Variants in SLC30A8 observed in about 807,000 individuals in gnomAD.
SLC30A8 encodes proton-coupled zinc antiporter SLC30A8.
SLC30A8 carries 27 observed loss-of-function variants against 36.9 expected under a neutral mutation model. The observed-to-expected ratio is 0.73, with a 90% CI of 0.54 to 1.01. The LOEUF is 1.01. SLC30A8 is among the 50% of genes least tolerant of loss of function. The pLI, the probability that SLC30A8 is intolerant of heterozygous loss-of-function variation, is 0.00. For synonymous variants in SLC30A8, 164 were observed against 172.4 expected (o/e 0.95, Z 0.38); for missense variants, 439 against 452.0 (o/e 0.97, Z 0.26).
At chr8:116,962,044 C>G (rs1474783822) in intron 1 of SLC30A8, among the ~76,000 whole-genome samples, 2 of 151,924 alleles carry the variant, frequency 1.3e-5, no homozygotes, top group African/African-American at 2.4e-5. Context: ...TGGATACTTG[C>G]AAACAATAAG....
intron 1 of SLC30A8, among the ~76,000 whole-genome samples, chr8:116,951,272 CATT>C (rs1482667702): frequency 2.0e-5 from 3 of 152,128 alleles, no homozygotes; most frequent in African/African-American, 7.2e-5. Context: ...GTTACCAACT[CATT>C]AGTGTGAATT....
intron 1 of SLC30A8, among the ~76,000 whole-genome samples, chr8:116,976,494 A>T (rs969494644): frequency 6.6e-5 from 10 of 152,180 alleles, no homozygotes; most frequent in African/African-American, 2.4e-4. Flanking sequence ...AAGCCTGTGA[A>T]TGTTCTGATC....
At chr8:117,046,032 A>C (rs1817540209) in intron 2 of SLC30A8, among the ~76,000 whole-genome samples, 1 of 151,796 alleles carries the variant, frequency 6.6e-6, no homozygotes, top group South Asian at 2.1e-4. Context: ...CTTGTGACAG[A>C]TGATGGTATA....
intron 2 of SLC30A8, among the ~76,000 whole-genome samples, chr8:117,099,394 T>C (rs1013213943): frequency 1.3e-5 from 2 of 152,188 alleles, no homozygotes; most frequent in African/African-American, 4.8e-5. Flanking sequence ...TTGACAAATA[T>C]CACACCATGT....
intron 1 of SLC30A8, among the ~76,000 whole-genome samples, chr8:117,020,767 TAAG>T (rs1198787630): frequency 2.0e-5 from 3 of 152,190 alleles, no homozygotes; most frequent in South Asian, 2.1e-4. Context: ...AAGACACTGA[TAAG>T]AAGATGTAAA....
chr8:117,129,740 T>C (rs1280915303), intron 2 of SLC30A8, among the ~76,000 whole-genome samples: 1 of 152,068 alleles, frequency 6.6e-6, no homozygotes, highest in East Asian at 1.9e-4. Flanking sequence ...ATTATATTTC[T>C]GGTGGAGACT....
chr8:117,016,063 G>T (rs1015063831), intron 1 of SLC30A8, among the ~76,000 whole-genome samples: 2 of 152,104 alleles, frequency 1.3e-5, no homozygotes, highest in Non-Finnish European at 2.9e-5. Flanking sequence ...GGATAATACC[G>T]GGCATAAGGT....
chr8:117,034,589 A>G (rs572115512), intron 1 of SLC30A8, among the ~76,000 whole-genome samples: 4 of 152,348 alleles, frequency 2.6e-5, no homozygotes, highest in African/African-American at 9.6e-5. Context: ...AAGGTGCTAG[A>G]GCTGGGGTTT....
intron 1 of SLC30A8, among the ~76,000 whole-genome samples, chr8:116,973,783 A>AAACT (rs769548246): frequency 6.9e-4 from 105 of 152,358 alleles, no homozygotes; most frequent in Non-Finnish European, 1.3e-3. Context: ...ACCTGACTTC[A>AAACT]AACTATATTA....
chr8:117,101,412 A>G (rs944123554), intron 2 of SLC30A8, among the ~76,000 whole-genome samples: 4 of 152,190 alleles, frequency 2.6e-5, no homozygotes, highest in Admixed American at 1.3e-4. Context: ...CAGGAGACCT[A>G]TTTAACTCAG....
intron 2 of SLC30A8, among the ~76,000 whole-genome samples, chr8:117,108,886 T>C (rs1820108695): frequency 6.6e-6 from 1 of 152,230 alleles, no homozygotes; most frequent in African/African-American, 2.4e-5. Flanking sequence ...GTTGGCTATT[T>C]GAGGATTTAA....
intron 1 of SLC30A8, among the ~76,000 whole-genome samples, chr8:116,956,435 C>T (rs1015707087): frequency 3.3e-5 from 5 of 152,032 alleles, no homozygotes; most frequent in East Asian, 1.9e-4. Context: ...TCGATTTCAT[C>T]GAAAATGAAA....
chr8:117,068,505 C>T (rs1818234036), intron 2 of SLC30A8, among the ~76,000 whole-genome samples: 1 of 152,108 alleles, frequency 6.6e-6, no homozygotes, highest in South Asian at 2.1e-4. Context: ...ATTATCATCA[C>T]CATCCTCTCA....
chr8:117,097,072 G>T (rs1819397991), intron 2 of SLC30A8, among the ~76,000 whole-genome samples: 1 of 151,934 alleles, frequency 6.6e-6, no homozygotes, highest in African/African-American at 2.4e-5. Flanking sequence ...GAGGGAGAGA[G>T]ATATTAAATC....
At chr8:117,023,096 T>A (rs567104884) in intron 1 of SLC30A8, among the ~76,000 whole-genome samples, 3 of 152,316 alleles carry the variant, frequency 2.0e-5, no homozygotes, top group Admixed American at 2.0e-4. Flanking sequence ...AAGAAGACAT[T>A]TATGCAGCCA....
chr8:117,087,688 T>C (rs1193921449), intron 2 of SLC30A8, among the ~76,000 whole-genome samples: 1 of 152,196 alleles, frequency 6.6e-6, no homozygotes, highest in Non-Finnish European at 1.5e-5. Flanking sequence ...TATGCCACTC[T>C]TAGCAACTGA....
In SLC30A8 at chr8:117,173,206, T is replaced by C. The variant is rs1823483160; in HGVS notation, c.*525T>C. 1 of 152,890 alleles carries C rather than the reference T, an allele frequency of 6.5e-6. No individual in the cohort carries two copies. The highest frequency in any genetic ancestry group is 2.4e-5 in the African/African-American group (1 of 41,426). The allele number at this position is 152,890 out of a possible 1,614,324, so 9.5% of individuals were successfully genotyped here. A position where few individuals can be genotyped will look rare whatever the true frequency, so the allele number is the denominator to read the frequency against. ...ATGTGATTTTTTTTTCTACTCTGAA[T>C]TGGAAATATGTATGAATATACAGAG... On this transcript the variant is annotated 3_prime_UTR_variant, in exon 8 of 8. Transcript: ENST00000456015.
intron 1 of SLC30A8, among the ~76,000 whole-genome samples, chr8:117,004,521 C>A (rs1208915007): frequency 3.3e-5 from 5 of 151,766 alleles, no homozygotes; most frequent in Non-Finnish European, 5.9e-5. Flanking sequence ...AAGAGCGTGT[C>A]CCTGTCTATA....
chr8:117,119,622 T>G (rs1298965885), intron 2 of SLC30A8, among the ~76,000 whole-genome samples: 1 of 151,928 alleles, frequency 6.6e-6, no homozygotes, highest in East Asian at 1.9e-4. Context: ...GCATAATCAT[T>G]AAGTTTAAGT....
Sources: gnomAD v4.1 joint callset for allele counts (sites outside exome capture counted in the v4.1 genomes callset) on GRCh38, gnomAD v4.1.1 for gene constraint, MANE v1.5 for transcripts, NCBI Gene and HGNC (gene_info 2026-07-23, HGNC 2026-07-21) for gene names.